The following CDH18 variants were observed in gnomAD, a reference collection of about 807,000 sequenced individuals.
The protein encoded by CDH18 is cadherin-18.
A neutral mutation model predicts 67.9 loss-of-function variants in CDH18; 31 were observed. The ratio of observed to expected loss-of-function variants is 0.46; its 90% CI spans 0.34 to 0.62. CDH18 has a LOEUF of 0.62. CDH18 is among the 20% of genes least tolerant of loss of function. The probability of loss-of-function intolerance (pLI) is 0.01; values close to 1 mark genes in which losing one functional copy is unlikely to be tolerated. For missense variants in CDH18, 890 were observed against 975.5 expected, an observed-to-expected ratio of 0.91 and a Z score of 1.17; for synonymous variants, 362 against 347.2, an observed-to-expected ratio of 1.04 and a Z score of -0.48.
intron 1 of CDH18, among the ~76,000 whole-genome samples, chr5:20,357,664 T>C (rs1481289025): frequency 2.6e-5 from 4 of 152,100 alleles, no homozygotes; most frequent in African/African-American, 9.7e-5. Context: ...ATACCAGATG[T>C]TAGTGAGGCT....
At chr5:20,154,775 C>T (rs930085831) in intron 2 of CDH18, among the ~76,000 whole-genome samples, 56 of 152,268 alleles carry the variant, frequency 3.7e-4, no homozygotes, top group South Asian at 2.1e-4. Context: ...CCTTCTTTCT[C>T]GCACCAAAGT....
chr5:20,502,072 T>C (rs1754367854), intron 1 of CDH18, among the ~76,000 whole-genome samples: 1 of 152,108 alleles, frequency 6.6e-6, no homozygotes, highest in African/African-American at 2.4e-5. Flanking sequence ...ACACCATTGT[T>C]CAGAAATGTT....
At chr5:19,913,191 G>A (rs1791350076) in intron 2 of CDH18, among the ~76,000 whole-genome samples, 1 of 151,546 alleles carries the variant, frequency 6.6e-6, no homozygotes, top group Non-Finnish European at 1.5e-5. Context: ...TATTAGTCAT[G>A]ATTATAAGAA....
chr5:20,092,639 C>T (rs1745544439), intron 2 of CDH18, among the ~76,000 whole-genome samples: 1 of 152,002 alleles, frequency 6.6e-6, no homozygotes, highest in Non-Finnish European at 1.5e-5. Flanking sequence ...TTTTAAGGTT[C>T]ATCTTATCTA....
intron 1 of CDH18, among the ~76,000 whole-genome samples, chr5:19,985,664 A>G (rs1799490182): frequency 6.6e-6 from 1 of 152,126 alleles, no homozygotes; most frequent in African/African-American, 2.4e-5. Flanking sequence ...AAAATGCAGT[A>G]TTATAGATAT....
chr5:20,252,160 T>G (rs1743908065), intron 2 of CDH18, among the ~76,000 whole-genome samples: 2 of 152,030 alleles, frequency 1.3e-5, no homozygotes, highest in African/African-American at 4.8e-5. Flanking sequence ...GAGATCATCC[T>G]GGCCAACATG....
At chr5:20,396,998 T>C (rs1210545386) in intron 1 of CDH18, among the ~76,000 whole-genome samples, 1 of 152,194 alleles carries the variant, frequency 6.6e-6, no homozygotes, top group Non-Finnish European at 1.5e-5. Flanking sequence ...ATAACAAATA[T>C]GTTCTTAGCC....
chr5:19,802,997 G>T (rs1223228148), intron 3 of CDH18, among the ~76,000 whole-genome samples: 3 of 152,070 alleles, frequency 2.0e-5, no homozygotes, highest in African/African-American at 7.2e-5. Flanking sequence ...CTTCCTCACT[G>T]GCCTTTCTGC....
intron 1 of CDH18, among the ~76,000 whole-genome samples, chr5:20,510,019 G>A (rs2471142): frequency 0.97 from 147,881 of 152,304 alleles, 71,937 homozygotes; most frequent in East Asian, 1. Flanking sequence ...GTCAGTGTAC[G>A]TGGTTCCCTT....
intron 2 of CDH18, among the ~76,000 whole-genome samples, chr5:20,042,487 G>T (rs1740507980): frequency 6.6e-6 from 1 of 152,146 alleles, no homozygotes; most frequent in South Asian, 2.1e-4. Flanking sequence ...TAAGTTTGGA[G>T]TCAGGAGACA....
chr5:20,384,520 C>T (rs1261707114), intron 1 of CDH18, among the ~76,000 whole-genome samples: 2 of 152,090 alleles, frequency 1.3e-5, no homozygotes, highest in Non-Finnish European at 2.9e-5. Context: ...CATCTCGTGT[C>T]TTTGTGAATA....
At chr5:20,520,323 C>A (rs956662800) in intron 1 of CDH18, among the ~76,000 whole-genome samples, 2 of 152,136 alleles carry the variant, frequency 1.3e-5, no homozygotes, top group Non-Finnish European at 2.9e-5. Context: ...GGTTCTTCTG[C>A]ATCCATGCAT....
chr5:20,019,871 C>T (rs1284951590), intron 2 of CDH18, among the ~76,000 whole-genome samples: 2 of 152,114 alleles, frequency 1.3e-5, no homozygotes, highest in African/African-American at 4.8e-5. Flanking sequence ...CAGAAGAAGA[C>T]AGAAAGATTA....
At chr5:19,694,050 C>T (rs1020386318) in intron 5 of CDH18, among the ~76,000 whole-genome samples, 1 of 152,056 alleles carries the variant, frequency 6.6e-6, no homozygotes, top group Non-Finnish European at 1.5e-5. Context: ...CATTTGATAT[C>T]CACAATTATG....
intron 2 of CDH18, among the ~76,000 whole-genome samples, chr5:20,175,336 C>G (rs1737149317): frequency 6.6e-6 from 1 of 152,108 alleles, no homozygotes; most frequent in African/African-American, 2.4e-5. Context: ...AACCCAGCCA[C>G]CTCTCTCCTG....
intron 2 of CDH18, among the ~76,000 whole-genome samples, chr5:20,018,434 T>C (rs1248910503): frequency 6.6e-6 from 1 of 152,182 alleles, no homozygotes; most frequent in Admixed American, 6.5e-5. Flanking sequence ...GGAGTAAACA[T>C]GTGAAGCATT....
At chr5:19,664,732 A>C (rs1315143465) in intron 5 of CDH18, among the ~76,000 whole-genome samples, 1 of 151,958 alleles carries the variant, frequency 6.6e-6, no homozygotes, top group Non-Finnish European at 1.5e-5. Flanking sequence ...CATGAGATAA[A>C]ATTCTATGCC....
At chr5:19,946,321 G>C (rs1481645603) in intron 2 of CDH18, among the ~76,000 whole-genome samples, 2 of 152,030 alleles carry the variant, frequency 1.3e-5, no homozygotes, top group African/African-American at 4.8e-5. Context: ...AAGATAATTT[G>C]CTCTCAGTAG....
chr5:20,025,463 C>T (rs1241996442), intron 2 of CDH18, among the ~76,000 whole-genome samples: 1 of 151,912 alleles, frequency 6.6e-6, no homozygotes, highest in Non-Finnish European at 1.5e-5. Flanking sequence ...TTTTTATACT[C>T]AATTGGTCAC....
Sources: allele counts gnomAD v4.1 joint callset (sites outside exome capture counted in the v4.1 genomes callset), GRCh38; gene constraint gnomAD v4.1.1; transcripts MANE v1.5; gene names NCBI Gene and HGNC (gene_info 2026-07-23, HGNC 2026-07-21).